DEPDC1B: variants seen among roughly 807,000 people sequenced by gnomAD.
The protein encoded by DEPDC1B is DEP domain-containing protein 1B.
Under a neutral mutation model 66.5 loss-of-function variants are expected in DEPDC1B, and 51 were observed. That is an observed-to-expected ratio of 0.77 (90% CI 0.61 to 0.97). DEPDC1B has a LOEUF of 0.97. DEPDC1B is among the 50% of genes least tolerant of loss of function. The pLI is 0.00. For synonymous variants in DEPDC1B, 226 were observed against 223.6 expected (o/e 1.01, Z -0.10); for missense variants, 552 against 637.1 (o/e 0.87, Z 1.44).
At chr5:60,693,450 T>C (rs1356983447) in intron 1 of DEPDC1B, among the ~76,000 whole-genome samples, 3 of 152,312 alleles carry the variant, frequency 2.0e-5, no homozygotes, top group Non-Finnish European at 2.9e-5. Flanking sequence ...ACAAGGTTAT[T>C]GTAAGATCAA....
chr5:60,644,979 G>A (rs1400576443), intron 4 of DEPDC1B, 104 bp from the exon 5 acceptor site: 1 of 837,246 alleles, frequency 1.2e-6, no homozygotes, highest in Non-Finnish European at 1.7e-6. Context: ...TTATTTTCAT[G>A]CATTGCACCC....
intron 2 of DEPDC1B, among the ~76,000 whole-genome samples, chr5:60,679,581 C>G (rs1754246746): frequency 1.3e-5 from 2 of 152,106 alleles, no homozygotes; most frequent in Non-Finnish European, 2.9e-5. Flanking sequence ...AGGAATGAGA[C>G]AGGCAGGAAA....
At chr5:60,659,357 A>G (rs1753654160) in intron 2 of DEPDC1B, among the ~76,000 whole-genome samples, 1 of 152,136 alleles carries the variant, frequency 6.6e-6, no homozygotes, top group African/African-American at 2.4e-5. Flanking sequence ...ATTCTGTCCT[A>G]TACTTCCTTA....
chr5:60,683,272 T>A (rs1344845187), intron 2 of DEPDC1B, among the ~76,000 whole-genome samples: 1 of 151,860 alleles, frequency 6.6e-6, no homozygotes, highest in Non-Finnish European at 1.5e-5. Context: ...TCTACAAAAT[T>A]TTTTAAAAAA....
intron 2 of DEPDC1B, among the ~76,000 whole-genome samples, chr5:60,654,079 G>A (rs897505295): frequency 2.7e-5 from 4 of 149,120 alleles, no homozygotes; most frequent in Non-Finnish European, 4.4e-5. Context: ...CCTTGCTTTG[G>A]CTATGTGGGC....
At chr5:60,685,242 A>G (rs957829260) in intron 2 of DEPDC1B, among the ~76,000 whole-genome samples, 3 of 152,192 alleles carry the variant, frequency 2.0e-5, no homozygotes, top group African/African-American at 7.2e-5. Context: ...CTCACTCTCA[A>G]TTCAAGGCAC....
chr5:60,657,457 A>G (rs570264713), intron 2 of DEPDC1B, among the ~76,000 whole-genome samples: 2 of 152,304 alleles, frequency 1.3e-5, no homozygotes, highest in Admixed American at 6.5e-5. Flanking sequence ...TTCAGGATTT[A>G]GAGCTCCTTT....
At chr5:60,645,649 G>A (rs780118011) in intron 3 of DEPDC1B, 30 bp from the exon 4 acceptor site, 1 of 1,585,954 alleles carries the variant, frequency 6.3e-7, no homozygotes, top group South Asian at 1.2e-5. Context: ...AGAAGGGAGG[G>A]AAGGAGAAAC....
chr5:60,649,173 G>A (rs1203565777), intron 2 of DEPDC1B, among the ~76,000 whole-genome samples: 1 of 151,934 alleles, frequency 6.6e-6, no homozygotes, highest in African/African-American at 2.4e-5. Context: ...TGTGTCTTTT[G>A]GAAAGTATAA....
intron 2 of DEPDC1B, among the ~76,000 whole-genome samples, chr5:60,685,194 G>A (rs893939118): frequency 1.3e-4 from 20 of 152,112 alleles, no homozygotes; most frequent in African/African-American, 4.6e-4. Flanking sequence ...TGTAATAGAA[G>A]CCTGCATGTA....
Position 60,631,269 on chromosome 5 carries a change from G to A in DEPDC1B, c.898+7481C>T, listed in dbSNP as rs957246775. ...GGGCATTGGAAAAGGTCCCATGAAA[G>A]ACAATGGCAGCCTCAAGAATCAATG... On this transcript the variant is annotated intron_variant, in intron 7 of 10. Transcript: ENST00000265036. 7.9e-5 allele frequency among the ~76,000 whole-genome samples: 12 copies of A among 152,328 alleles called. No homozygotes were observed. The South Asian group carries it at 2.1e-3, about 26-fold the overall frequency.
intron 7 of DEPDC1B, among the ~76,000 whole-genome samples, chr5:60,622,152 T>A (rs1165036605): frequency 6.6e-6 from 1 of 151,982 alleles, no homozygotes; most frequent in East Asian, 1.9e-4. Flanking sequence ...CAAATGCATA[T>A]CCCCATGTAA....
intron 1 of DEPDC1B, among the ~76,000 whole-genome samples, chr5:60,691,362 A>C (rs1410274912): frequency 6.6e-6 from 1 of 152,048 alleles, no homozygotes; most frequent in Non-Finnish European, 1.5e-5. Flanking sequence ...CACTTTTTCT[A>C]CTTTTTTTAA....
chr5:60,688,108 G>A (rs997322129), intron 1 of DEPDC1B, among the ~76,000 whole-genome samples: 3 of 152,070 alleles, frequency 2.0e-5, no homozygotes, highest in African/African-American at 7.2e-5. Flanking sequence ...ATTGTAGGAG[G>A]AGGAGGAAAA....
chr5:60,609,070 C>T (rs956039975), intron 7 of DEPDC1B, among the ~76,000 whole-genome samples: 1 of 152,028 alleles, frequency 6.6e-6, no homozygotes, highest in Non-Finnish European at 1.5e-5. Context: ...TAATTGCACA[C>T]TGCACTCCAG....
At position 60,599,098 on chromosome 5, in the gene DEPDC1B, C is replaced by G. The variant is rs767319649; in HGVS notation, c.1405G>C (p.Glu469Gln). The G allele has an allele frequency of 1.9e-6, 3 of 1,594,020 alleles. No individual in the cohort carries two copies. The highest frequency in any genetic ancestry group is 2.6e-6 in the Non-Finnish European group (3 of 1,173,704). Residue 469 changes from glutamate to glutamine, a missense_variant, in exon 10 of 11, where the codon GAG becomes CAG. Coordinates refer to ENST00000265036, the MANE Select transcript of DEPDC1B (RefSeq NM_018369.3). The stretch of plus-strand genomic sequence containing the variant: ...ACCTGCTTCAGTTTCTTCTTTTTCT[C>G]TTTGTTGGAGAGTTTGGCATCTGTT... ...VITDAKLSNK[E>Q]KKKKLKQFQK...
chr5:60,611,076 T>C (rs1056143380), intron 7 of DEPDC1B, among the ~76,000 whole-genome samples: 13 of 152,254 alleles, frequency 8.5e-5, no homozygotes, highest in African/African-American at 3.1e-4. Flanking sequence ...TAATCAAGGC[T>C]ATCACCACCA....
chr5:60,634,499 C>T (rs1279095814), intron 7 of DEPDC1B, among the ~76,000 whole-genome samples: 2 of 151,818 alleles, frequency 1.3e-5, no homozygotes, highest in East Asian at 1.9e-4. Flanking sequence ...GGTGAAACCC[C>T]GCCTCTACTA....
At chr5:60,692,259 A>G (rs1372541027) in intron 1 of DEPDC1B, among the ~76,000 whole-genome samples, 3 of 152,160 alleles carry the variant, frequency 2.0e-5, no homozygotes, top group Admixed American at 6.5e-5. Flanking sequence ...TTTATTTGAG[A>G]TATCTTGACA....
Sources: allele counts gnomAD v4.1 joint callset (sites outside exome capture counted in the v4.1 genomes callset), GRCh38; gene constraint gnomAD v4.1.1; transcripts MANE v1.5; gene names NCBI Gene and HGNC (gene_info 2026-07-23, HGNC 2026-07-21).